Variants in DIS3L2 observed in about 807,000 individuals in gnomAD.
DIS3L2 encodes DIS3-like exonuclease 2.
DIS3L2 carries 34 observed loss-of-function variants against 97.5 expected under a neutral mutation model. The ratio of observed to expected loss-of-function variants is 0.35; its 90% confidence interval spans 0.27 to 0.46. The LOEUF (loss-of-function observed/expected upper bound fraction) is 0.46. DIS3L2 is among the 20% of genes least tolerant of loss of function. The pLI is 1.00. For missense variants in DIS3L2, 1,038 were observed against 1,146.0 expected (o/e 0.91, Z 1.36); for synonymous variants, 435 against 445.2 (o/e 0.98, Z 0.29).
At chr2:232,249,189 TCCTAAGCGGGTTGGAGAAAG>T in intron 11 of DIS3L2, 30 bp from the exon 12 acceptor site, 1 of 1,591,688 alleles carries the variant, frequency 6.3e-7, no homozygotes, top group East Asian at 2.2e-5. Flanking sequence ...ACTGGGCTTC[TCCTAAGCGGGTTGGAGAAAG>T]GTGCTCATGG....
At chr2:232,003,641 G>T (rs1471991327) in intron 1 of DIS3L2, among the ~76,000 whole-genome samples, 4 of 152,130 alleles carry the variant, frequency 2.6e-5, no homozygotes, top group Non-Finnish European at 4.4e-5. Flanking sequence ...TGCTGCTGGT[G>T]ATGGGTTTTC....
intron 12 of DIS3L2, among the ~76,000 whole-genome samples, chr2:232,251,713 G>C (rs1693422647): frequency 6.6e-6 from 1 of 152,196 alleles, no homozygotes; most frequent in African/African-American, 2.4e-5. Context: ...TCGGAAATCA[G>C]AATAACTTCA....
rs149604741 is a variant in DIS3L2 at position 232,257,936 on chromosome 2, G to A, written c.1426-5271G>A. ...TCTTTAACTGGATCTGGTCTTGGCC[G>A]CCACTTAGGAGTTTGTATGACTTTT... On this transcript the variant is annotated intron_variant, in intron 12 of 20. Transcript: ENST00000325385. Among the ~76,000 whole-genome samples the A allele has an allele frequency of 3.3e-5, 5 of 152,262 alleles. No homozygotes were observed. The East Asian group carries it at 9.6e-4, about 29-fold the overall frequency.
intron 5 of DIS3L2, among the ~76,000 whole-genome samples, chr2:232,040,820 T>A (rs1695091940): frequency 6.6e-6 from 1 of 152,056 alleles, no homozygotes; most frequent in South Asian, 2.1e-4. Flanking sequence ...AGTAACAGAG[T>A]GGTATTCAGA....
downstream of DIS3L2, chr2:232,339,685 C>G (rs759644232): frequency 4.4e-6 from 2 of 456,346 alleles, no homozygotes; most frequent in South Asian, 3.1e-5. Context: ...GGCAGTAGAA[C>G]ACTGAGCATG....
intron 13 of DIS3L2, among the ~76,000 whole-genome samples, chr2:232,296,562 C>G (rs1220743581): frequency 6.6e-6 from 1 of 152,134 alleles, no homozygotes; most frequent in Non-Finnish European, 1.5e-5. Flanking sequence ...CTGTGCTGTT[C>G]TCGTGGTAGT....
chr2:232,075,467 C>T (rs1696157440), intron 5 of DIS3L2, among the ~76,000 whole-genome samples: 1 of 152,150 alleles, frequency 6.6e-6, no homozygotes, highest in South Asian at 2.1e-4. Context: ...TGAGTCTTCC[C>T]CAAGGGCTTT....
intron 9 of DIS3L2, among the ~76,000 whole-genome samples, chr2:232,198,276 C>T (rs908456772): frequency 2.6e-5 from 4 of 152,048 alleles, no homozygotes; most frequent in South Asian, 2.1e-4. Flanking sequence ...TAAGATTTCT[C>T]GTATGTTGAA....
chr2:231,963,612 A>G (rs925032336), intron 1 of DIS3L2, among the ~76,000 whole-genome samples: 21 of 152,170 alleles, frequency 1.4e-4, no homozygotes, highest in Non-Finnish European at 2.2e-4. Context: ...CCAACTTGTC[A>G]ATTTTTGTTT....
At chr2:232,154,985 C>G (rs1483555392) in intron 8 of DIS3L2, among the ~76,000 whole-genome samples, 1 of 143,636 alleles carries the variant, frequency 7.0e-6, no homozygotes, top group Admixed American at 7.0e-5. Context: ...TCCGTCACCC[C>G]TTTCTTTGAC....
intron 8 of DIS3L2, among the ~76,000 whole-genome samples, chr2:232,158,886 A>C (rs914893300): frequency 5.3e-5 from 8 of 152,322 alleles, no homozygotes; most frequent in Admixed American, 4.6e-4. Flanking sequence ...TGTCATCACC[A>C]GAATAAAGTT....
At chr2:232,000,613 T>TTTTCCCTTCCTTTCCTTTCCTTTCC (rs1693854164) in intron 1 of DIS3L2, among the ~76,000 whole-genome samples, 3 of 107,316 alleles carry the variant, frequency 2.8e-5, no homozygotes, top group Admixed American at 2.2e-4. Context: ...CTTTCCTTTC[T>TTTTCCCTTCCTTTCCTTTCCTTTCC]TTTCCTTTCC....
chr2:232,223,615 C>T (rs1303090249), intron 10 of DIS3L2, among the ~76,000 whole-genome samples: 2 of 152,120 alleles, frequency 1.3e-5, no homozygotes, highest in South Asian at 2.1e-4. Context: ...GGACACAGTC[C>T]GTATTCCAGA....
intron 1 of DIS3L2, among the ~76,000 whole-genome samples, chr2:231,975,630 A>G (rs1464565065): frequency 6.8e-6 from 1 of 146,800 alleles, no homozygotes; most frequent in African/African-American, 2.5e-5. Flanking sequence ...GCGTGAACCC[A>G]GGACGCAGAG....
intron 12 of DIS3L2, among the ~76,000 whole-genome samples, chr2:232,250,635 A>G (rs11673935): frequency 0.012 from 1,828 of 152,280 alleles, 18 homozygotes; most frequent in Non-Finnish European, 0.018. Context: ...TGCCCCTCCT[A>G]TAACTTAGTG....
At chr2:232,051,413 A>T (rs1695395382) in intron 5 of DIS3L2, among the ~76,000 whole-genome samples, 1 of 152,214 alleles carries the variant, frequency 6.6e-6, no homozygotes, top group South Asian at 2.1e-4. Context: ...CAGAAAAAGG[A>T]TAGGATTGTT....
chr2:232,309,283 C>T (rs920395157), intron 14 of DIS3L2, among the ~76,000 whole-genome samples: 3 of 152,208 alleles, frequency 2.0e-5, no homozygotes, highest in African/African-American at 7.2e-5. Context: ...CTCAGAACCA[C>T]TCCTGTCCCA....
At chr2:232,003,116 G>T (rs1693953959) in intron 1 of DIS3L2, among the ~76,000 whole-genome samples, 1 of 152,198 alleles carries the variant, frequency 6.6e-6, no homozygotes. Context: ...TTATTTGGTG[G>T]CAGGGATCTT....
rs1336679387 is a variant in DIS3L2, at chr2:232,022,516, T to C, written c.211-1761T>C. 4.6e-5 allele frequency among the ~76,000 whole-genome samples: 7 copies of C among 152,170 alleles called. 1 individual carries two copies. Among genetic ancestry groups the C allele is most frequent in the Non-Finnish European group, 1.0e-4 (7 of 68,016 alleles). The stretch of plus-strand genomic sequence containing the variant: ...TTTCAAAGCTAGAGGCATTCTGATC[T>C]CTGTACTTGTTCATATGCTAACCAT... On this transcript the variant is annotated intron_variant, in intron 3 of 20. Transcript: ENST00000325385.
Sources: gnomAD v4.1 joint callset for allele counts (sites outside exome capture counted in the v4.1 genomes callset) on GRCh38, gnomAD v4.1.1 for gene constraint, MANE v1.5 for transcripts, NCBI Gene and HGNC (gene_info 2026-07-23, HGNC 2026-07-21) for gene names.